Variants in URB1 observed in about 807,000 individuals in gnomAD.
URB1 encodes nucleolar pre-ribosomal-associated protein 1.
Under a neutral mutation model 242.3 loss-of-function variants are expected in URB1, and 197 were observed. The ratio of observed to expected loss-of-function variants is 0.81; its 90% CI spans 0.72 to 0.91. The LOEUF is 0.91. Among genes scored for constraint, URB1 ranks in the 40% least tolerant of loss-of-function variants. The probability of loss-of-function intolerance (pLI) is 0.00; values close to 1 mark genes in which losing one functional copy is unlikely to be tolerated. For missense variants in URB1, 2,721 were observed against 2,860.5 expected, an observed-to-expected ratio of 0.95 and a Z score of 1.11; for synonymous variants, 1,153 against 1,201.8, an observed-to-expected ratio of 0.96 and a Z score of 0.84.
intron 8 of URB1, among the ~76,000 whole-genome samples, chr21:32,370,398 T>C (rs981091548): frequency 3.3e-5 from 5 of 152,204 alleles, no homozygotes; most frequent in South Asian, 2.1e-4. Flanking sequence ...ATGAACAAAA[T>C]AGTTTGTACT....
At chr21:32,368,734 C>T (rs1032297672) in intron 8 of URB1, 136 bp from the exon 9 acceptor site, 7 of 760,100 alleles carry the variant, frequency 9.2e-6, no homozygotes, top group South Asian at 2.1e-5. Context: ...TCCCCCAGGA[C>T]GTAAAGTGGG....
At position 32,346,981 on chromosome 21, in the gene URB1, C is replaced by G; in HGVS notation, c.3843G>C (p.Arg1281=). Residue 1281 remains arginine, a synonymous_variant, in exon 22 of 39, where the codon CGG becomes CGC. Transcript: ENST00000382751. ...CTCCTGCTGGGCGTGTGAAGTGGCT[C>G]CGTGTCCTGCACTGGAGGTACACAT... ...LIHVYLQCRT[R]SHFTRPAGVS... The G allele has an allele frequency of 6.5e-7, 1 of 1,526,794 alleles. No individual in the cohort carries two copies. The highest frequency in any genetic ancestry group is 8.9e-7 in the Non-Finnish European group (1 of 1,129,152). 94.6% of individuals were successfully genotyped at this position (1,526,794 alleles called of 1,614,324 possible). A position where few individuals can be genotyped will look rare whatever the true frequency, so the allele number is the denominator to read the frequency against.
chr21:32,357,552 T>C lies in URB1; in HGVS notation c.1974A>G (p.Lys658=). ...SSHLQLKSLT[K]LLIMKILRDT... is the part of the protein sequence containing the mutation. ...AAATGCTCACCTTCATGATCAGAAGTTTGGTCAATGACTTCAGTTGTAAAT... is the reference window on the plus strand; with the variant it reads ...AAATGCTCACCTTCATGATCAGAAGCTTGGTCAATGACTTCAGTTGTAAAT... The change falls in exon 15 of 39, where the codon AAA becomes AAG. Residue 658 remains lysine, a synonymous_variant. Coordinates refer to ENST00000382751, the MANE Select transcript of URB1 (RefSeq NM_014825.3). The C allele has an allele frequency of 1.3e-6, 2 of 1,522,872 alleles. No homozygotes were observed. Among genetic ancestry groups the C allele is most frequent in the Admixed American group, 2.3e-5 (1 of 43,910 alleles). The allele number at this position is 1,522,872 out of a possible 1,614,324, so 94.3% of individuals were successfully genotyped here.
chr21:32,314,500 A>T lies in URB1; in HGVS notation c.*418T>A. On this transcript the variant is annotated 3_prime_UTR_variant, in exon 39 of 39. Coordinates refer to ENST00000382751, the MANE Select transcript of URB1 (RefSeq NM_014825.3). ...TCACCTGCTGAAAAATAAACTTTAA[A>T]CATCTCTCTTCGTTTTCATAAAAAA... 3 of 1,536,760 alleles carry T rather than the reference A, an allele frequency of 2.0e-6. No homozygotes were observed. Among genetic ancestry groups the T allele is most frequent in the Non-Finnish European group, 2.7e-6 (3 of 1,109,894 alleles).
intron 6 of URB1, among the ~76,000 whole-genome samples, chr21:32,374,162 C>T (rs2033434948): frequency 6.6e-6 from 1 of 152,194 alleles, no homozygotes; most frequent in Non-Finnish European, 1.5e-5. Flanking sequence ...GAGTGGACCA[C>T]AACTTATCTA....
chr21:32,391,856 TAAA>T (rs67993951), intron 1 of URB1, among the ~76,000 whole-genome samples: 1 of 130,248 alleles, frequency 7.7e-6, no homozygotes. Context: ...CTACAAAAAG[TAAA>T]AAAAAAAAAA....
At chr21:32,374,039 T>G (rs890257089) in intron 6 of URB1, among the ~76,000 whole-genome samples, 1 of 152,238 alleles carries the variant, frequency 6.6e-6, no homozygotes, top group Non-Finnish European at 1.5e-5. Context: ...GTATTCATTA[T>G]TTTTTGCCTG....
rs113236734 is a variant in URB1 at position 32,366,501 on chromosome 21, G to A, written c.1335+117C>T. 84 of 1,409,420 alleles carry A rather than the reference G, an allele frequency of 6.0e-5. No individual in the cohort carries two copies. In the African/African-American group the frequency reaches 7.5e-4, roughly 13 times the overall value. 87.3% of individuals were successfully genotyped at this position (1,409,420 alleles called of 1,614,324 possible). ...AGCCTCTGTCCTGGAAGCCTCCGAG[G>A]CCCCCTGACAAAACACAATCAAACA... On this transcript the variant is annotated intron_variant, in intron 10 of 38. Coordinates refer to ENST00000382751, the MANE Select transcript of URB1 (RefSeq NM_014825.3).
intron 11 of URB1, among the ~76,000 whole-genome samples, chr21:32,362,277 CTCACTGCAACCTCCGCCTCCCAGGT>C (rs2033298320): frequency 6.6e-6 from 1 of 151,914 alleles, no homozygotes; most frequent in African/African-American, 2.4e-5. Flanking sequence ...GTGACCTCAG[CTCACTGCAACCTCCGCCTCCCAGGT>C]TCAAGTGATT....
chr21:32,330,201 T>G (rs1207726001), intron 30 of URB1, among the ~76,000 whole-genome samples: 1 of 81,068 alleles, frequency 1.2e-5, no homozygotes, highest in South Asian at 4.1e-4. Context: ...GGGAGTGTTT[T>G]TTTTTTTTTT....
chr21:32,390,287 A>G (rs1240741281), intron 1 of URB1, among the ~76,000 whole-genome samples: 2 of 152,216 alleles, frequency 1.3e-5, no homozygotes, highest in African/African-American at 4.8e-5. Flanking sequence ...CTTTTTAACA[A>G]TTAAACGTGC....
chr21:32,358,369 CTG>C (rs1156609713), intron 14 of URB1, among the ~76,000 whole-genome samples: 1 of 152,240 alleles, frequency 6.6e-6, no homozygotes, highest in Admixed American at 6.5e-5. Flanking sequence ...CCCAGGCTGT[CTG>C]AGTCCATCAA....
At chr21:32,344,309 GA>G (rs1403613762) in intron 24 of URB1, among the ~76,000 whole-genome samples, 1 of 152,084 alleles carries the variant, frequency 6.6e-6, no homozygotes, top group African/African-American at 2.4e-5. Flanking sequence ...CAAAAAACAA[GA>G]CATTATATAA....
Position 32,325,343 on chromosome 21 carries a change from G to A in URB1, c.5007C>T (p.Gly1669=), listed in dbSNP as rs1007531427. Residue 1669 remains glycine (G), a synonymous_variant, in exon 31 of 39, where the codon GGC becomes GGT. Coordinates refer to ENST00000382751, the MANE Select transcript of URB1 (RefSeq NM_014825.3). ...AGCTGCTGAGGGCTGTGACAGTTAG[G>A]CCCAGAGCATTTGAATCCAAAAATT... ...CRKFLDSNAL[G]LTVTALSSYD... is the part of the protein sequence containing the mutation. 19 of 1,551,446 alleles carry A rather than the reference G, an allele frequency of 1.2e-5. 1 individual carries two copies. The highest frequency in any genetic ancestry group is 3.3e-4 in the Middle Eastern group (2 of 6,012).
At chr21:32,381,550 CAT>C (rs2033527435) in intron 4 of URB1, among the ~76,000 whole-genome samples, 1 of 150,642 alleles carries the variant, frequency 6.6e-6, no homozygotes, top group African/African-American at 2.4e-5. Context: ...ATTTAAGAAA[CAT>C]ATCAACCAAA....
chr21:32,386,259 G>C (rs2033583009), intron 1 of URB1, among the ~76,000 whole-genome samples: 1 of 152,118 alleles, frequency 6.6e-6, no homozygotes, highest in Non-Finnish European at 1.5e-5. Context: ...TGAGGGTGAG[G>C]TCCTGATCTA....
intron 4 of URB1, among the ~76,000 whole-genome samples, chr21:32,379,410 G>C (rs1275620109): frequency 6.6e-6 from 1 of 152,226 alleles, no homozygotes; most frequent in African/African-American, 2.4e-5. Context: ...TCACTGCCAA[G>C]AAATAAGTTA....
intron 18 of URB1, among the ~76,000 whole-genome samples, chr21:32,353,136 G>T (rs1295587790): frequency 6.6e-6 from 1 of 152,178 alleles, no homozygotes; most frequent in Non-Finnish European, 1.5e-5. Context: ...GCCCAGGAGT[G>T]AAGACCCAGG....
rs2033486111 is a variant in URB1, at chr21:32,378,551, AAAG to A, written c.568-13_568-11del. ...GAACGTCGTACACTCCCTAGAGGAC[AAAG>A]GAGACCTACATGTCACATGCATATT... On this transcript the variant is annotated splice_polypyrimidine_tract_variant and intron_variant, in intron 4 of 38. Transcript: ENST00000382751. The A allele has an allele frequency of 6.5e-7, 1 of 1,550,080 alleles. No individual in the cohort carries two copies. Among genetic ancestry groups the A allele is most frequent in the African/African-American group, 1.4e-5 (1 of 73,124 alleles).
Sources: gnomAD v4.1 joint callset for allele counts (sites outside exome capture counted in the v4.1 genomes callset) on GRCh38, gnomAD v4.1.1 for gene constraint, MANE v1.5 for transcripts, NCBI Gene and HGNC (gene_info 2026-07-23, HGNC 2026-07-21) for gene names.